VIRMA: variants seen among roughly 807,000 people sequenced by gnomAD.
VIRMA encodes vir like m6A methyltransferase associated, also known as protein virilizer homolog.
A neutral mutation model predicts 182.4 loss-of-function variants in VIRMA; 65 were observed. The observed-to-expected ratio is 0.36, with a 90% CI of 0.29 to 0.44. The LOEUF is 0.44. Ranked by LOEUF, VIRMA falls within the 20% of genes least tolerant of loss-of-function variation. The probability of loss-of-function intolerance (pLI) is 1.00; values close to 1 mark genes in which losing one functional copy is unlikely to be tolerated. For missense variants in VIRMA, 1,752 were observed against 2,158.1 expected, an observed-to-expected ratio of 0.81 and a Z score of 3.73; for synonymous variants, 709 against 743.1, an observed-to-expected ratio of 0.95 and a Z score of 0.75.
Position 94,526,847 on chromosome 8 carries a change from A to G in VIRMA, c.1397T>C (p.Leu466Pro), listed in dbSNP as rs1284539403. 1 of 1,614,208 alleles carries G rather than the reference A, an allele frequency of 6.2e-7. No homozygotes were observed. The highest frequency in any genetic ancestry group is 8.5e-7 in the Non-Finnish European group (1 of 1,180,030). Residue 466 changes from leucine (L) to proline (P), a missense_variant, in exon 8 of 24, where the codon CTA becomes CCA. Physicochemically the swap from Leu to Pro is moderately conservative, Grantham distance 98. This residue lies in a region of VIRMA where 401 missense variants were observed against 455.1 expected (regional missense o/e 0.88). Transcript: ENST00000297591. Reference sequence around the variant, plus strand: ...AACTCCTTGAGCCCCACATTCTGCTAGTGAGGACACTAATTTGGTCCCAGC... The same window carrying G: ...AACTCCTTGAGCCCCACATTCTGCTGGTGAGGACACTAATTTGGTCCCAGC... ...LKAGTKLVSS[L>P]AECGAQGVTG...
In VIRMA at chr8:94,530,982, A is replaced by ATCT; in HGVS notation, c.585_587dup (p.Glu195dup). ...TTATACCTGGCAGAGGCACAGGATC[A>ATCT]TCTTCATCATCATCAGGTGGAGGGG... On this transcript the variant is annotated inframe_insertion, in exon 6 of 24. Transcript: ENST00000297591. The ATCT allele has an allele frequency of 6.2e-7, 1 of 1,604,340 alleles. No individual in the cohort carries two copies. The highest frequency in any genetic ancestry group is 8.5e-7 in the Non-Finnish European group (1 of 1,175,780).
intron 5 of VIRMA, 61 bp downstream of exon 5, chr8:94,534,773 AATTAT>A: frequency 2.0e-6 from 3 of 1,513,740 alleles, no homozygotes; most frequent in Non-Finnish European, 1.8e-6. Context: ...GTGCTCTTCG[AATTAT>A]TTTTTTTTTT....
intron 17 of VIRMA, chr8:94,498,922 G>C (rs1022774784): frequency 2.0e-5 from 3 of 152,378 alleles, no homozygotes; most frequent in Non-Finnish European, 4.4e-5. Flanking sequence ...TACTAAAAAG[G>C]TACAAAAAAT....
At position 94,519,501 on chromosome 8, in the gene VIRMA, G is replaced by A. The variant is rs547081839; in HGVS notation, c.2022-25C>T. 15 of 1,516,474 alleles carry A rather than the reference G, an allele frequency of 9.9e-6. No homozygotes were observed. The African/African-American group carries it at 2.1e-4, about 21-fold the overall frequency. 93.9% of individuals were successfully genotyped at this position (1,516,474 alleles called of 1,614,324 possible). A position where few individuals can be genotyped will look rare whatever the true frequency, so the allele number is the denominator to read the frequency against. The stretch of plus-strand genomic sequence containing the variant: ...TCTGTGGAAGAGTTAATTGATACAT[G>A]TCAAGTCAGTGCAAAGCATTCTTCA... On this transcript the variant is annotated intron_variant, in intron 8 of 23. Transcript: ENST00000297591.
intron 2 of VIRMA, 119 bp downstream of exon 2, chr8:94,543,708 A>G: frequency 1.6e-6 from 1 of 633,158 alleles, no homozygotes; most frequent in Non-Finnish European, 2.8e-6. Flanking sequence ...CATAACCATA[A>G]TTGAATAGCT....
At chr8:94,534,727 C>T in intron 5 of VIRMA, 112 bp downstream of exon 5, 1 of 1,289,488 alleles carries the variant, frequency 7.8e-7, no homozygotes, top group East Asian at 2.4e-5. Flanking sequence ...TCCTCTCTCC[C>T]TCTCAAGAAA....
At chr8:94,495,920 G>T (rs1225321475) in intron 18 of VIRMA, 29 bp from the exon 19 acceptor site, 5 of 1,597,906 alleles carry the variant, frequency 3.1e-6, no homozygotes, top group Non-Finnish European at 4.3e-6. Context: ...AGAATAAGAA[G>T]GTGCAGGTAA....
chr8:94,531,489 A>G (rs1563476289), intron 5 of VIRMA, among the ~76,000 whole-genome samples: 2 of 152,238 alleles, frequency 1.3e-5, no homozygotes, highest in South Asian at 2.1e-4. Flanking sequence ...TAATTAATCT[A>G]TATTAATAAC....
chr8:94,496,254 A>G, intron 18 of VIRMA, 74 bp downstream of exon 18: 1 of 1,240,506 alleles, frequency 8.1e-7, no homozygotes, highest in Non-Finnish European at 1.1e-6. Context: ...AAAAAAGGTC[A>G]CTACGAAATA....
intron 10 of VIRMA, among the ~76,000 whole-genome samples, chr8:94,515,203 T>C (rs1814519683): frequency 6.6e-6 from 1 of 151,666 alleles, no homozygotes; most frequent in South Asian, 2.1e-4. Flanking sequence ...TGCAAGCAAT[T>C]CTCCTGCCTC....
At chr8:94,516,454 A>G (rs3133641) in intron 10 of VIRMA, among the ~76,000 whole-genome samples, 9 of 152,220 alleles carry the variant, frequency 5.9e-5, no homozygotes, top group African/African-American at 2.2e-4. Context: ...CCTATATTCT[A>G]TCACCAAAAA....
chr8:94,549,188 G>C (rs890892462), intron 1 of VIRMA, among the ~76,000 whole-genome samples: 2 of 152,174 alleles, frequency 1.3e-5, no homozygotes, highest in African/African-American at 4.8e-5. Context: ...TTATAAATGT[G>C]TATCAATTGT....
At chr8:94,491,458 G>A in intron 22 of VIRMA, 120 bp downstream of exon 22, 1 of 901,006 alleles carries the variant, frequency 1.1e-6, no homozygotes, top group Non-Finnish European at 1.7e-6. Flanking sequence ...GTCCAGAGGT[G>A]GCTCAACTGC....
chr8:94,550,706 TTTTA>T (rs931797490), intron 1 of VIRMA, among the ~76,000 whole-genome samples: 2 of 149,490 alleles, frequency 1.3e-5, no homozygotes, highest in African/African-American at 5.1e-5. Flanking sequence ...AGTCCATAAT[TTTTA>T]TTTATTTATG....
intron 15 of VIRMA, 151 bp from the exon 16 acceptor site, chr8:94,506,868 GAAT>G (rs1487948994): frequency 5.7e-6 from 3 of 525,024 alleles, no homozygotes; most frequent in Non-Finnish European, 1.0e-5. Context: ...AACACATTAA[GAAT>G]AATGAAATTA....
At chr8:94,510,230 GCTTT>G (rs1171603705) in intron 14 of VIRMA, among the ~76,000 whole-genome samples, 183 bp downstream of exon 14, 9 of 152,028 alleles carry the variant, frequency 5.9e-5, no homozygotes, top group African/African-American at 1.4e-4. Context: ...ATGAAATAAA[GCTTT>G]CTAATTTTAA....
intron 19 of VIRMA, 133 bp from the exon 20 acceptor site, chr8:94,495,089 C>A: frequency 1.5e-6 from 1 of 684,340 alleles, no homozygotes. Context: ...CAGCCTTGAT[C>A]TCCTGGGCTC....
At chr8:94,499,325 C>G in intron 17 of VIRMA, 49 bp downstream of exon 17, 1 of 1,315,270 alleles carries the variant, frequency 7.6e-7, no homozygotes, top group East Asian at 2.7e-5. Flanking sequence ...TAAGAAACAC[C>G]AAATACATAC....
At chr8:94,500,321 C>T (rs1813927917) in intron 16 of VIRMA, among the ~76,000 whole-genome samples, 1 of 152,098 alleles carries the variant, frequency 6.6e-6, no homozygotes, top group Non-Finnish European at 1.5e-5. Context: ...ATCACTTGAA[C>T]CCAGGAGACG....
Sources: allele counts gnomAD v4.1 joint callset (sites outside exome capture counted in the v4.1 genomes callset), GRCh38; gene constraint gnomAD v4.1.1; regional missense constraint gnomAD v4.1.1; transcripts MANE v1.5; gene names NCBI Gene and HGNC (gene_info 2026-07-23, HGNC 2026-07-21).